The following FOXP2 variants were observed in gnomAD, a reference collection of about 807,000 sequenced individuals.
FOXP2 encodes the protein forkhead box protein P2.
FOXP2 carries 12 observed loss-of-function variants against 115.8 expected under a neutral mutation model. The observed-to-expected ratio is 0.10, with a 90% CI of 0.07 to 0.17. The LOEUF is 0.17. FOXP2 is among the 10% of genes least tolerant of loss of function. The pLI, the probability that FOXP2 is intolerant of heterozygous loss-of-function variation, is 1.00. For missense variants in FOXP2, 629 were observed against 843.5 expected (o/e 0.75, Z 3.15); for synonymous variants, 328 against 297.7 (o/e 1.10, Z -1.05).
chr7:114,202,033 T>C (rs955240480), intron 1 of FOXP2, among the ~76,000 whole-genome samples: 1 of 152,140 alleles, frequency 6.6e-6, no homozygotes, highest in African/African-American at 2.4e-5. Context: ...ACAAAAATAA[T>C]TAAGAAAACT....
intron 3 of FOXP2, among the ~76,000 whole-genome samples, chr7:114,559,531 A>G (rs370150234): frequency 1.5e-4 from 23 of 152,210 alleles, no homozygotes; most frequent in African/African-American, 5.5e-4. Flanking sequence ...AGGGTGAAAA[A>G]TCTGAACTTG....
intron 1 of FOXP2, among the ~76,000 whole-genome samples, chr7:114,260,465 T>G (rs1795721308): frequency 6.6e-6 from 1 of 152,018 alleles, no homozygotes; most frequent in African/African-American, 2.4e-5. Flanking sequence ...CTTTTTTTTT[T>G]AAGACAGCTT....
At chr7:114,242,275 T>G (rs62469205) in intron 1 of FOXP2, among the ~76,000 whole-genome samples, 2,386 of 152,136 alleles carry the variant, frequency 0.016, 33 homozygotes, top group Non-Finnish European at 0.025. Context: ...ATGATGATTT[T>G]GTAGAAGAAA....
intron 16 of FOXP2, among the ~76,000 whole-genome samples, chr7:114,674,528 A>T (rs912216896): frequency 6.6e-6 from 1 of 152,224 alleles, no homozygotes; most frequent in African/African-American, 2.4e-5. Flanking sequence ...TTCAAATAAA[A>T]ACAAAGATCA....
At chr7:114,536,390 T>C (rs1345189479) in intron 3 of FOXP2, among the ~76,000 whole-genome samples, 1 of 126,788 alleles carries the variant, frequency 7.9e-6, no homozygotes, top group African/African-American at 3.2e-5. Flanking sequence ...GCTTTAGTTT[T>C]TCTTTTCTTT....
chr7:114,384,968 T>G (rs1039842870), intron 2 of FOXP2, among the ~76,000 whole-genome samples: 2 of 151,638 alleles, frequency 1.3e-5, no homozygotes, highest in African/African-American at 4.8e-5. Flanking sequence ...TTTAAAGGAA[T>G]AGGGCACACT....
chr7:114,264,681 C>A (rs1795851667), intron 1 of FOXP2, among the ~76,000 whole-genome samples: 1 of 152,086 alleles, frequency 6.6e-6, no homozygotes, highest in Non-Finnish European at 1.5e-5. Context: ...TGAGACTGAG[C>A]AATTTATAAA....
intron 2 of FOXP2, among the ~76,000 whole-genome samples, chr7:114,501,746 T>A (rs1797574708): frequency 6.6e-6 from 1 of 152,112 alleles, no homozygotes; most frequent in South Asian, 2.1e-4. Flanking sequence ...TAATACACAA[T>A]CTCTGCTTTT....
At chr7:114,171,904 A>G (rs533700951) in intron 1 of FOXP2, among the ~76,000 whole-genome samples, 5 of 152,076 alleles carry the variant, frequency 3.3e-5, no homozygotes, top group Non-Finnish European at 7.4e-5. Context: ...ATTCATTCCA[A>G]CTCTTTTGGA....
chr7:114,128,976 C>G (rs973325228), intron 1 of FOXP2, among the ~76,000 whole-genome samples: 1 of 152,146 alleles, frequency 6.6e-6, no homozygotes, highest in African/African-American at 2.4e-5. Context: ...AAAACACTCT[C>G]TGTGCTTCCT....
At chr7:114,477,440 T>C (rs1372552981) in intron 2 of FOXP2, among the ~76,000 whole-genome samples, 7 of 151,838 alleles carry the variant, frequency 4.6e-5, no homozygotes, top group Non-Finnish European at 1.0e-4. Flanking sequence ...CACTTATAAA[T>C]AGGAGCTAAG....
chr7:114,207,711 T>C (rs377060511), intron 1 of FOXP2, among the ~76,000 whole-genome samples: 2 of 152,346 alleles, frequency 1.3e-5, no homozygotes, highest in East Asian at 3.9e-4. Flanking sequence ...CTTTAAAAAG[T>C]ATGTTAAGGT....
intron 2 of FOXP2, among the ~76,000 whole-genome samples, chr7:114,292,341 A>G (rs1316684892): frequency 6.6e-6 from 1 of 152,140 alleles, no homozygotes; most frequent in Non-Finnish European, 1.5e-5. Flanking sequence ...TTTTATTTTC[A>G]TAGAGTTTTC....
intron 16 of FOXP2, chr7:114,666,724 G>A (rs1476362702): frequency 1.3e-5 from 2 of 152,164 alleles, no homozygotes; most frequent in African/African-American, 4.8e-5. Flanking sequence ...CAGAACATAG[G>A]TTGTAATGCC....
chr7:114,435,907 A>G (rs1485285517), intron 2 of FOXP2, among the ~76,000 whole-genome samples: 9 of 152,162 alleles, frequency 5.9e-5, no homozygotes, highest in Admixed American at 3.3e-4. Context: ...GTGGAAAATG[A>G]TGGCAGATTT....
At chr7:114,145,086 G>A (rs916312768) in intron 1 of FOXP2, among the ~76,000 whole-genome samples, 1 of 152,064 alleles carries the variant, frequency 6.6e-6, no homozygotes, top group East Asian at 1.9e-4. Flanking sequence ...ATGGAGTTTC[G>A]ATACTGAGTA....
chr7:114,186,285 T>C (rs1160461271), intron 1 of FOXP2, among the ~76,000 whole-genome samples: 1 of 152,020 alleles, frequency 6.6e-6, no homozygotes, highest in Admixed American at 6.5e-5. Flanking sequence ...AAGTGTAGAG[T>C]TTCACATATG....
In FOXP2 at chr7:114,628,108, T is replaced by C. The variant is rs147929863; in HGVS notation, c.259-432T>C. Among the ~76,000 whole-genome samples, 1,210 of 152,200 alleles carry C rather than the reference T, an allele frequency of 8.0e-3. 14 individuals carry two copies. Among genetic ancestry groups the C allele is most frequent in the African/African-American group, 0.026 (1,084 of 41,558 alleles). ...ATGCTTTTTACTAGTTTAGATAACATTTATATGCATATTTCCAATTTTTTA... is the reference window on the plus strand; with the variant it reads ...ATGCTTTTTACTAGTTTAGATAACACTTATATGCATATTTCCAATTTTTTA... On this transcript the variant is annotated intron_variant, in intron 3 of 16. Transcript: ENST00000350908.
At chr7:114,629,344 C>A (rs1349396045) in intron 4 of FOXP2, among the ~76,000 whole-genome samples, 14 of 152,088 alleles carry the variant, frequency 9.2e-5, no homozygotes, top group Non-Finnish European at 1.9e-4. Context: ...AATTACTTTG[C>A]TAACTTCTGT....
Sources: gnomAD v4.1 joint callset for allele counts (sites outside exome capture counted in the v4.1 genomes callset) on GRCh38, gnomAD v4.1.1 for gene constraint, MANE v1.5 for transcripts, NCBI Gene and HGNC (gene_info 2026-07-23, HGNC 2026-07-21) for gene names.